Variants in EDIL3 observed in about 807,000 individuals in gnomAD.
EDIL3 encodes EGF like and discoidin domains 3, also known as EGF-like repeat and discoidin I-like domain-containing protein 3.
EDIL3 carries 37 observed loss-of-function variants against 67.4 expected under a neutral mutation model. The ratio of observed to expected loss-of-function variants is 0.55; its 90% CI spans 0.42 to 0.72. The LOEUF is 0.72. EDIL3 is among the 30% of genes least tolerant of loss of function. The pLI is 0.00. For synonymous variants in EDIL3, 195 were observed against 196.3 expected (o/e 0.99, Z 0.05); for missense variants, 527 against 586.3 (o/e 0.90, Z 1.04).
chr5:83,953,587 C>A (rs1744456576), intron 10 of EDIL3, among the ~76,000 whole-genome samples: 1 of 151,680 alleles, frequency 6.6e-6, no homozygotes, highest in Non-Finnish European at 1.5e-5. Flanking sequence ...TTTCATTTAT[C>A]TGTTCAAAAT....
chr5:84,327,119 G>A (rs1355764732), intron 1 of EDIL3, among the ~76,000 whole-genome samples: 1 of 151,636 alleles, frequency 6.6e-6, no homozygotes, highest in East Asian at 1.9e-4. Flanking sequence ...TTATTTTGTA[G>A]TGAGAACTCA....
intron 4 of EDIL3, among the ~76,000 whole-genome samples, chr5:84,175,762 G>A (rs1225549427): frequency 1.3e-5 from 2 of 152,112 alleles, no homozygotes; most frequent in East Asian, 1.9e-4. Flanking sequence ...GGTGATTGAA[G>A]GTAGTGGTCA....
chr5:84,047,830 T>C (rs1746250213), intron 9 of EDIL3: 1 of 152,392 alleles, frequency 6.6e-6, no homozygotes, highest in Non-Finnish European at 1.5e-5. Flanking sequence ...GGCTGCACTT[T>C]TGTTTGCACT....
intron 5 of EDIL3, among the ~76,000 whole-genome samples, chr5:84,116,294 T>C (rs768472746): frequency 8.6e-5 from 13 of 151,440 alleles, no homozygotes; most frequent in Non-Finnish European, 1.5e-4. Flanking sequence ...CTTCGAAAAG[T>C]TGTGGAAGAA....
chr5:83,988,203 T>C (rs573983400), intron 9 of EDIL3, among the ~76,000 whole-genome samples: 9 of 152,244 alleles, frequency 5.9e-5, no homozygotes, highest in Non-Finnish European at 1.0e-4. Context: ...ATCTGTGTGC[T>C]GACATTTCAA....
At chr5:84,358,310 T>C (rs1747528969) in intron 1 of EDIL3, among the ~76,000 whole-genome samples, 1 of 152,160 alleles carries the variant, frequency 6.6e-6, no homozygotes, top group Non-Finnish European at 1.5e-5. Context: ...TGTAAATAAC[T>C]AAATCCAGGT....
chr5:84,253,529 T>C (rs923090853), intron 2 of EDIL3, among the ~76,000 whole-genome samples: 4 of 152,190 alleles, frequency 2.6e-5, no homozygotes, highest in Non-Finnish European at 5.9e-5. Context: ...TTTAAAAAAC[T>C]ATTTGAATGT....
At chr5:84,165,972 T>A (rs1453850446) in intron 4 of EDIL3, among the ~76,000 whole-genome samples, 1 of 152,180 alleles carries the variant, frequency 6.6e-6, no homozygotes, top group Non-Finnish European at 1.5e-5. Flanking sequence ...AACCCTTTCA[T>A]CTTTTCTTGC....
intron 4 of EDIL3, among the ~76,000 whole-genome samples, chr5:84,157,562 A>G (rs1306569962): frequency 6.6e-6 from 1 of 152,054 alleles, no homozygotes; most frequent in African/African-American, 2.4e-5. Context: ...CTCATTCTGC[A>G]TAGTCAACAT....
intron 9 of EDIL3, among the ~76,000 whole-genome samples, chr5:84,043,155 A>G (rs1043640965): frequency 6.6e-6 from 1 of 152,242 alleles, no homozygotes; most frequent in South Asian, 2.1e-4. Context: ...TGAGTGACAA[A>G]TAAGTATTTG....
At position 83,942,220 on chromosome 5, in the gene EDIL3, C is replaced by A. The variant is rs1176716062; in HGVS notation, c.*1199G>T. The A allele has an allele frequency of 6.6e-6, 1 of 151,874 alleles. No individual in the cohort carries two copies. Among genetic ancestry groups the A allele is most frequent in the Non-Finnish European group, 1.5e-5 (1 of 67,896 alleles). The allele number at this position is 151,874 out of a possible 1,614,324, so 9.4% of individuals were successfully genotyped here. On this transcript the variant is annotated 3_prime_UTR_variant, in exon 11 of 11. Transcript: ENST00000296591. ...TGATAATTGCTTATTTTTTCAGGAC[C>A]TTTGAAGCAAAATAAATAGAAATCA... is the stretch of plus-strand genomic sequence containing the variant.
At chr5:83,958,886 C>T (rs1048545010) in intron 10 of EDIL3, among the ~76,000 whole-genome samples, 19 of 151,122 alleles carry the variant, frequency 1.3e-4, no homozygotes, top group Non-Finnish European at 2.7e-4. Flanking sequence ...TGAATTAATG[C>T]TGTAGAGAAA....
chr5:84,229,375 T>C (rs950735032), intron 3 of EDIL3, among the ~76,000 whole-genome samples: 7 of 152,190 alleles, frequency 4.6e-5, no homozygotes, highest in East Asian at 1.9e-4. Flanking sequence ...TAAAATAAAA[T>C]GAGTGAGGCA....
intron 6 of EDIL3, among the ~76,000 whole-genome samples, chr5:84,072,860 G>A (rs536250504): frequency 6.6e-6 from 1 of 151,946 alleles, no homozygotes; most frequent in Admixed American, 6.6e-5. Context: ...GATGGTGGAG[G>A]GAGAGAGAGA....
chr5:84,082,226 T>C lies in EDIL3; in HGVS notation c.652-15620A>G, dbSNP rs1747977904. 2.0e-5 allele frequency among the ~76,000 whole-genome samples: 3 copies of C among 152,246 alleles called. No homozygotes were observed. The South Asian group carries it at 6.2e-4, about 32-fold the overall frequency. On this transcript the variant is annotated intron_variant, in intron 6 of 10. Transcript: ENST00000296591. ...CACCTTTCCATGTGTGGAAATATTA[T>C]TGGTAGTGGTAGCAAGTGTCCTGGT...
At position 84,222,467 on chromosome 5, in the gene EDIL3, TC is replaced by T. The variant is rs199671972; in HGVS notation, c.226+7387del. Among the ~76,000 whole-genome samples the T allele has an allele frequency of 3.6e-3, 553 of 151,960 alleles. 6 individuals are homozygous for T. Among genetic ancestry groups the T allele is most frequent in the East Asian group, 0.027 (142 of 5,180 alleles). On this transcript the variant is annotated intron_variant, in intron 3 of 10. Coordinates refer to ENST00000296591, the MANE Select transcript of EDIL3 (RefSeq NM_005711.5). ...ACCATTTTCTTCTTCTCTATGGACA[TC>T]ACAGAGTTCATAATAAATATTTTAT...
intron 3 of EDIL3, among the ~76,000 whole-genome samples, chr5:84,218,154 C>A (rs1448286920): frequency 1.3e-5 from 2 of 151,924 alleles, no homozygotes; most frequent in African/African-American, 4.8e-5. Context: ...TTTTTTCCCC[C>A]AAGCTTAAAA....
At chr5:83,974,190 A>C (rs1380522314) in intron 9 of EDIL3, among the ~76,000 whole-genome samples, 2 of 151,860 alleles carry the variant, frequency 1.3e-5, no homozygotes, top group Admixed American at 1.3e-4. Context: ...TAAAACAAAA[A>C]CAACAATCCA....
At chr5:84,368,593 A>G (rs927556069) in intron 1 of EDIL3, among the ~76,000 whole-genome samples, 14 of 152,206 alleles carry the variant, frequency 9.2e-5, no homozygotes, top group African/African-American at 3.4e-4. Flanking sequence ...ATATGACACG[A>G]AAGGCACAGG....
Sources: gnomAD v4.1 joint callset for allele counts (sites outside exome capture counted in the v4.1 genomes callset) on GRCh38, gnomAD v4.1.1 for gene constraint, MANE v1.5 for transcripts, NCBI Gene and HGNC (gene_info 2026-07-23, HGNC 2026-07-21) for gene names.